LRCH1: variants seen among roughly 807,000 people sequenced by gnomAD.
LRCH1 encodes the protein leucine-rich repeat and calponin homology domain-containing protein 1.
LRCH1 carries 23 observed loss-of-function variants against 94.9 expected under a neutral mutation model. That is an observed-to-expected ratio of 0.24 (90% CI 0.17 to 0.34). The LOEUF (loss-of-function observed/expected upper bound fraction) is 0.34, where lower values mean the gene tolerates loss of function less well. LRCH1 is among the 10% of genes least tolerant of loss of function. The pLI is 1.00. For missense variants in LRCH1, 790 were observed against 945.9 expected, an observed-to-expected ratio of 0.84 and a Z score of 2.16; for synonymous variants, 364 against 354.9, an observed-to-expected ratio of 1.03 and a Z score of -0.29.
chr13:46,620,159 C>T (rs1240249438), intron 1 of LRCH1, among the ~76,000 whole-genome samples: 1 of 152,108 alleles, frequency 6.6e-6, no homozygotes, highest in East Asian at 1.9e-4. Flanking sequence ...CACAGCTACC[C>T]AGTGGCCTAT....
intron 13 of LRCH1, among the ~76,000 whole-genome samples, chr13:46,709,597 G>A (rs1316012948): frequency 1.3e-5 from 2 of 151,842 alleles, no homozygotes; most frequent in African/African-American, 2.4e-5. Context: ...TTTTAAAAAC[G>A]CATATATACC....
chr13:46,711,672 C>A, intron 13 of LRCH1, 119 bp from the exon 14 acceptor site: 1 of 639,310 alleles, frequency 1.6e-6, no homozygotes. Flanking sequence ...ATTAATTCAA[C>A]AGATATTCAT....
intron 1 of LRCH1, among the ~76,000 whole-genome samples, chr13:46,580,121 C>A (rs938661026): frequency 6.6e-6 from 1 of 152,216 alleles, no homozygotes; most frequent in Non-Finnish European, 1.5e-5. Flanking sequence ...CCAGGTCCTC[C>A]TCCTACTGCC....
intron 1 of LRCH1, among the ~76,000 whole-genome samples, chr13:46,582,890 C>T (rs1414002238): frequency 6.6e-6 from 1 of 151,646 alleles, no homozygotes; most frequent in East Asian, 1.9e-4. Context: ...GCTTCTACTC[C>T]AAATCTGGTA....
At chr13:46,633,828 C>G (rs1027313513) in intron 1 of LRCH1, among the ~76,000 whole-genome samples, 2 of 151,464 alleles carry the variant, frequency 1.3e-5, no homozygotes, top group African/African-American at 2.4e-5. Flanking sequence ...CTAAACTGAT[C>G]GTGACTCTCC....
chr13:46,608,017 G>GAATC (rs1399507033), intron 1 of LRCH1, among the ~76,000 whole-genome samples: 1 of 152,192 alleles, frequency 6.6e-6, no homozygotes, highest in Non-Finnish European at 1.5e-5. Context: ...TACCGGTGAT[G>GAATC]AATCACCTTC....
intron 1 of LRCH1, among the ~76,000 whole-genome samples, chr13:46,582,655 T>TTTTTTTTTTTTTTTTTTG (rs2050385032): frequency 1.0e-5 from 1 of 98,230 alleles, no homozygotes; most frequent in Non-Finnish European, 2.1e-5. Flanking sequence ...CAGCTTTTTT[T>TTTTTTTTTTTTTTTTTTG]TTTTTTTTTT....
At chr13:46,624,759 G>A (rs1038338040) in intron 1 of LRCH1, among the ~76,000 whole-genome samples, 1 of 152,164 alleles carries the variant, frequency 6.6e-6, no homozygotes, top group East Asian at 1.9e-4. Context: ...AAAGAAAAAC[G>A]ATATTAACAC....
chr13:46,722,280 A>G (rs1205071124), intron 16 of LRCH1, among the ~76,000 whole-genome samples: 9 of 152,054 alleles, frequency 5.9e-5, no homozygotes, highest in East Asian at 1.9e-4. Flanking sequence ...CCCTACCTCA[A>G]TCTGAAAGTC....
At chr13:46,744,943 G>A (rs9316228), downstream of LRCH1, 3 of 972,950 alleles carry the variant, frequency 3.1e-6, no homozygotes, top group Non-Finnish European at 3.7e-6. Context: ...GAGTCTAGTT[G>A]CCTGGCTTTT....
Position 46,571,503 on chromosome 13 carries a change from G to A in LRCH1, c.307+17800G>A, listed in dbSNP as rs540853132. Among the ~76,000 whole-genome samples, 64 of 152,262 alleles carry A rather than the reference G, an allele frequency of 4.2e-4. 1 individual carries two copies. Among genetic ancestry groups the A allele is most frequent in the Middle Eastern group, 3.4e-3 (1 of 294 alleles). On this transcript the variant is annotated intron_variant, in intron 1 of 19. Transcript: ENST00000389797. The stretch of plus-strand genomic sequence containing the variant: ...TTTGCACACTGGGTTTTCTCGAAGC[G>A]GGCTAGGCGTATCATTTCCAAGGGC...
At chr13:46,565,167 G>A (rs949208805) in intron 1 of LRCH1, among the ~76,000 whole-genome samples, 1 of 152,170 alleles carries the variant, frequency 6.6e-6, no homozygotes, top group Non-Finnish European at 1.5e-5. Context: ...CACTGATTTT[G>A]CCATTATGAT....
rs553298208 is a variant in LRCH1, at chr13:46,743,312, T to G, written c.*1464T>G. On this transcript the variant is annotated 3_prime_UTR_variant, in exon 20 of 20. Transcript: ENST00000389797. ...GAATATATTTATAAAGATTCCTTGC[T>G]GCTAAGTCAGATCAGATTTGCTAAC... The G allele has an allele frequency of 1.0e-6, 1 of 985,896 alleles. No homozygotes were observed. Among genetic ancestry groups the G allele is most frequent in the African/African-American group, 1.7e-5 (1 of 57,382 alleles). The allele number at this position is 985,896 out of a possible 1,614,324, so 61.1% of individuals were successfully genotyped here.
intron 9 of LRCH1, among the ~76,000 whole-genome samples, chr13:46,695,363 G>A (rs946455896): frequency 3.9e-5 from 6 of 152,102 alleles, no homozygotes; most frequent in African/African-American, 9.7e-5. Context: ...CCTTTTCTTG[G>A]GAGTATATTT....
At chr13:46,571,793 A>G (rs2050243204) in intron 1 of LRCH1, among the ~76,000 whole-genome samples, 1 of 152,140 alleles carries the variant, frequency 6.6e-6, no homozygotes, top group African/African-American at 2.4e-5. Flanking sequence ...CTCATCTGTA[A>G]AGTAAGTGAG....
chr13:46,733,722 CTAAAA>C (rs968026925), intron 18 of LRCH1, among the ~76,000 whole-genome samples, 194 bp from the exon 19 acceptor site: 1 of 152,170 alleles, frequency 6.6e-6, no homozygotes, highest in Non-Finnish European at 1.5e-5. Context: ...AGAATAGAAT[CTAAAA>C]TATTAACAGT....
intron 1 of LRCH1, among the ~76,000 whole-genome samples, chr13:46,644,112 G>C (rs539646658): frequency 1.3e-5 from 2 of 152,238 alleles, no homozygotes; most frequent in South Asian, 4.1e-4. Context: ...TTAGCGTTGG[G>C]CACAAAAGTG....
Position 46,573,069 on chromosome 13 carries a change from A to G in LRCH1, c.307+19366A>G, listed in dbSNP as rs538447971. On this transcript the variant is annotated intron_variant, in intron 1 of 19. Coordinates refer to ENST00000389797, the MANE Select transcript of LRCH1 (RefSeq NM_001164211.2). ...TTGAAAATGCAAGGAGTGCAGAGCA[A>G]TGCCTGGCATCTGAGAGACATTCAA... Among the ~76,000 whole-genome samples, 2 of 152,324 alleles carry G rather than the reference A, an allele frequency of 1.3e-5. 1 individual carries two copies. Among genetic ancestry groups the G allele is most frequent in the African/African-American group, 4.8e-5 (2 of 41,578 alleles).
At position 46,652,150 on chromosome 13, in the gene LRCH1, C is replaced by T. The variant is rs868199691; in HGVS notation, c.452+1805C>T. 7.4e-4 allele frequency among the ~76,000 whole-genome samples: 112 copies of T among 151,120 alleles called. 1 individual carries two copies. Among genetic ancestry groups the T allele is most frequent in the Non-Finnish European group, 1.3e-3 (85 of 67,854 alleles). ...GGAGTGCAGTGGCGCGATCTCGGCT[C>T]ACTGCAAGCTCCGCCTCCCGGGTTC... On this transcript the variant is annotated intron_variant, in intron 2 of 19. Coordinates refer to ENST00000389797, the MANE Select transcript of LRCH1 (RefSeq NM_001164211.2).
Sources: allele counts gnomAD v4.1 joint callset (sites outside exome capture counted in the v4.1 genomes callset), GRCh38; gene constraint gnomAD v4.1.1; transcripts MANE v1.5; gene names NCBI Gene and HGNC (gene_info 2026-07-23, HGNC 2026-07-21).